The following PGM2 variants were observed in gnomAD, a reference collection of about 807,000 sequenced individuals.
The protein encoded by PGM2 is phosphoglucomutase 2.
PGM2 carries 57 observed loss-of-function variants against 74.6 expected under a neutral mutation model. That is an observed-to-expected ratio of 0.76 (90% confidence interval 0.62 to 0.95). The LOEUF (loss-of-function observed/expected upper bound fraction) is 0.95. Ranked by LOEUF, PGM2 falls within the 40% of genes least tolerant of loss-of-function variation. PGM2 has a pLI of 0.00. For missense variants in PGM2, 706 were observed against 741.9 expected (o/e 0.95, Z 0.56); for synonymous variants, 273 against 260.7 (o/e 1.05, Z -0.46).
At chr4:37,841,155 T>G in intron 6 of PGM2, among the ~76,000 whole-genome samples, 1 of 99,022 alleles carries the variant, frequency 1.0e-5, no homozygotes, top group Non-Finnish European at 2.0e-5. Flanking sequence ...TAAATAGGAA[T>G]ATTTGTGTGT....
chr4:37,851,815 C>A (rs922703658), intron 12 of PGM2, among the ~76,000 whole-genome samples: 3 of 152,180 alleles, frequency 2.0e-5, no homozygotes, highest in Non-Finnish European at 4.4e-5. Flanking sequence ...CCTCACAGTA[C>A]GTTTATGCCA....
chr4:37,830,025 G>A lies in PGM2; in HGVS notation c.143G>A (p.Arg48Gln), dbSNP rs201598002. 13 of 1,607,900 alleles carry A rather than the reference G, an allele frequency of 8.1e-6. No homozygotes were observed. Among genetic ancestry groups the A allele is most frequent in the African/African-American group, 2.7e-5 (2 of 74,860 alleles). Residue 48 changes from arginine (R) to glutamine (Q), a missense_variant, in exon 2 of 14, where the codon CGA (arginine) becomes CAA (glutamine). Physicochemically the swap from Arg to Gln is conservative, Grantham distance 43 (BLOSUM62 1). Around this residue, in one of 3 missense-constraint regions of PGM2, gnomAD observed 332 missense variants for 334.9 expected, o/e 0.99. Coordinates refer to ENST00000381967, the MANE Select transcript of PGM2 (RefSeq NM_018290.4). ...GCAGAAGGTAATAAAGAAGAACTAC[G>A]AAAATGTTTTGGGGCCCGAATGGAG... ...LIAEGNKEELRKCFGARMEFG... is the reference protein window; with the variant it reads ...LIAEGNKEELQKCFGARMEFG...
At position 37,836,557 on chromosome 4, in the gene PGM2, G is replaced by A. The variant is rs1214452915; in HGVS notation, c.357-972G>A. On this transcript the variant is annotated intron_variant, in intron 3 of 13. Coordinates refer to ENST00000381967, the MANE Select transcript of PGM2 (RefSeq NM_018290.4). ...CACATTTGTAACAGAGAGAGAGAGT[G>A]GCGATCTGCTCTTTGTGCCCCAGCC... is the stretch of plus-strand genomic sequence containing the variant. Among the ~76,000 whole-genome samples, 3 of 152,142 alleles carry A rather than the reference G, an allele frequency of 2.0e-5. No homozygotes were observed. In the East Asian group the frequency reaches 5.8e-4, roughly 29 times the overall value.
intron 6 of PGM2, among the ~76,000 whole-genome samples, chr4:37,842,837 T>C (rs1685550886): frequency 6.6e-6 from 1 of 152,042 alleles, no homozygotes. Flanking sequence ...ATTTTTTGTA[T>C]TTTTTTGTAG....
In PGM2 at chr4:37,861,797, A is replaced by G. The variant is rs1221022501; in HGVS notation, c.*185A>G. On this transcript the variant is annotated 3_prime_UTR_variant, in exon 14 of 14. Coordinates refer to ENST00000381967, the MANE Select transcript of PGM2 (RefSeq NM_018290.4). Reference sequence around the variant, plus strand: ...TGAAAAAAGAAAATGGCCAAACCCAACAAACTAACATTCCTACTAAAAAGT... The same window carrying G: ...TGAAAAAAGAAAATGGCCAAACCCAGCAAACTAACATTCCTACTAAAAAGT... 2 of 444,312 alleles carry G rather than the reference A, an allele frequency of 4.5e-6. No individual in the cohort carries two copies. The highest frequency in any genetic ancestry group is 4.1e-6 in the Non-Finnish European group (1 of 244,468). The allele number at this position is 444,312 out of a possible 1,614,324, so 27.5% of individuals were successfully genotyped here. A position where few individuals can be genotyped will look rare whatever the true frequency, so the allele number is the denominator to read the frequency against.
chr4:37,831,491 C>T (rs2995935), intron 2 of PGM2, among the ~76,000 whole-genome samples: 24,878 of 152,202 alleles, frequency 0.16, 2,616 homozygotes, highest in South Asian at 0.29. Flanking sequence ...TGTCTCTGCT[C>T]CACTCAGCAC....
chr4:37,851,006 A>AG (rs1373120576), intron 12 of PGM2, among the ~76,000 whole-genome samples: 2 of 151,434 alleles, frequency 1.3e-5, no homozygotes, highest in Non-Finnish European at 2.9e-5. Flanking sequence ...AAAAAAAAAA[A>AG]AAAGAGGAAC....
intron 1 of PGM2, 80 bp from the exon 2 acceptor site, chr4:37,829,879 ATAGAT>A (rs370096569): frequency 2.4e-5 from 13 of 540,670 alleles, no homozygotes; most frequent in African/African-American, 1.9e-4. Context: ...TATATTTTCT[ATAGAT>A]TAGAATGATT....
intron 4 of PGM2, among the ~76,000 whole-genome samples, chr4:37,838,503 A>G (rs1455730488): frequency 6.6e-6 from 1 of 152,182 alleles, no homozygotes; most frequent in Non-Finnish European, 1.5e-5. Context: ...TGCTGAGAAT[A>G]TGTTTTGGAA....
At chr4:37,831,192 C>CAAAAAAAA (rs11432971) in intron 2 of PGM2, among the ~76,000 whole-genome samples, 2,193 of 73,766 alleles carry the variant, frequency 0.03, 217 homozygotes, top group East Asian at 0.13. Flanking sequence ...GACTCTGTCT[C>CAAAAAAAA]AAAAAAAAAA....
chr4:37,856,751 AGT>A (rs1226530041), intron 13 of PGM2, among the ~76,000 whole-genome samples: 1 of 152,200 alleles, frequency 6.6e-6, no homozygotes, highest in Non-Finnish European at 1.5e-5. Flanking sequence ...AGGTGAATTA[AGT>A]CAGTGCTGTC....
chr4:37,860,404 G>A (rs989221257), intron 13 of PGM2, among the ~76,000 whole-genome samples: 9 of 152,082 alleles, frequency 5.9e-5, no homozygotes, highest in Admixed American at 3.3e-4. Context: ...ATAATTTATC[G>A]CAATCTGTAC....
chr4:37,843,969 C>T (rs1725797588), intron 6 of PGM2, among the ~76,000 whole-genome samples: 2 of 152,202 alleles, frequency 1.3e-5, no homozygotes, highest in Non-Finnish European at 2.9e-5. Flanking sequence ...TGATAAAAGA[C>T]ATTTGGGAAC....
intron 13 of PGM2, among the ~76,000 whole-genome samples, chr4:37,859,925 G>T (rs765897160): frequency 1.1e-4 from 17 of 152,152 alleles, no homozygotes; most frequent in Non-Finnish European, 2.1e-4. Context: ...AAGATGTTAT[G>T]AAATATTCTC....
intron 3 of PGM2, among the ~76,000 whole-genome samples, chr4:37,836,350 A>G (rs1725566882): frequency 1.3e-5 from 2 of 152,240 alleles, no homozygotes; most frequent in African/African-American, 4.8e-5. Flanking sequence ...TGTTTAACCA[A>G]CACATGGTAA....
rs370229062 is a variant in PGM2 at position 37,834,671 on chromosome 4, C to T, written c.303C>T (p.Ile101=). 21 of 1,603,248 alleles carry T rather than the reference C, an allele frequency of 1.3e-5. No homozygotes were observed. Among genetic ancestry groups the T allele is most frequent in the African/African-American group, 2.7e-5 (2 of 74,570 alleles). The change falls in exon 3 of 14, where the codon ATC becomes ATT. Residue 101 remains isoleucine, a synonymous_variant. Transcript: ENST00000381967. The part of the protein sequence containing the change: ...KQFSDLKQKG[I]VISFDARAHP... ...TCAGTGACTTAAAGCAGAAAGGCAT[C>T]GTGATCAGTTTTGACGCCCGAGCTC... is the stretch of plus-strand genomic sequence containing the variant.
chr4:37,838,173 G>A lies in PGM2; in HGVS notation c.441+560G>A, dbSNP rs148275461. 6.7e-3 allele frequency among the ~76,000 whole-genome samples: 1,019 copies of A among 152,236 alleles called. 22 individuals carry two copies. The highest frequency in any genetic ancestry group is 0.023 in the African/African-American group (957 of 41,532). ...TGGGATTACAGGCATGAGCCACCAC[G>A]CCCGGCCTTTTCTCTGTTTTTAAAT... On this transcript the variant is annotated intron_variant, in intron 4 of 13. Transcript: ENST00000381967.
chr4:37,829,154 T>C (rs1279972735), intron 1 of PGM2, among the ~76,000 whole-genome samples: 1 of 151,998 alleles, frequency 6.6e-6, no homozygotes, highest in Non-Finnish European at 1.5e-5. Context: ...ATTATTTTTC[T>C]CCAACCATAA....
chr4:37,839,661 T>C (rs1332607897), intron 4 of PGM2, 187 bp from the exon 5 acceptor site: 3 of 690,954 alleles, frequency 4.3e-6, no homozygotes, highest in Non-Finnish European at 7.9e-6. Flanking sequence ...CCTGGAATTA[T>C]GAGCAGCCAG....
Sources: gnomAD v4.1 joint callset for allele counts (sites outside exome capture counted in the v4.1 genomes callset) on GRCh38, gnomAD v4.1.1 for gene constraint, gnomAD v4.1.1 regional missense constraint, MANE v1.5 for transcripts, NCBI Gene and HGNC (gene_info 2026-07-23, HGNC 2026-07-21) for gene names.